LEKR1: variants seen among roughly 807,000 people sequenced by gnomAD.
LEKR1 encodes leucine, glutamate and lysine rich 1.
A neutral mutation model predicts 72.4 loss-of-function variants in LEKR1; 59 were observed. The ratio of observed to expected loss-of-function variants is 0.82; its 90% CI spans 0.66 to 1.01. The LOEUF is 1.01. Ranked by LOEUF, LEKR1 falls within the 50% of genes least tolerant of loss-of-function variation. The pLI, the probability that LEKR1 is intolerant of heterozygous loss-of-function variation, is 0.00. For synonymous variants in LEKR1, 257 were observed against 263.2 expected, an observed-to-expected ratio of 0.98 and a Z score of 0.23; for missense variants, 728 against 759.2, an observed-to-expected ratio of 0.96 and a Z score of 0.48.
intron 3 of LEKR1, among the ~76,000 whole-genome samples, chr3:156,885,752 A>G (rs1432570425): frequency 6.6e-6 from 1 of 152,244 alleles, no homozygotes; most frequent in African/African-American, 2.4e-5. Flanking sequence ...TGGTTATGCT[A>G]GCAGTGAAGC....
chr3:157,039,308 G>C (rs966997773), intron 12 of LEKR1, among the ~76,000 whole-genome samples: 1 of 152,152 alleles, frequency 6.6e-6, no homozygotes, highest in African/African-American at 2.4e-5. Context: ...AAAAAAGAAA[G>C]AAAGAAATTC....
At chr3:157,008,322 C>G (rs1732625432) in intron 9 of LEKR1, among the ~76,000 whole-genome samples, 1 of 152,216 alleles carries the variant, frequency 6.6e-6, no homozygotes, top group African/African-American at 2.4e-5. Context: ...ATTGCTTCAC[C>G]TCGGTTTTTA....
chr3:157,024,970 C>T (rs776116048), intron 11 of LEKR1, 46 bp downstream of exon 11: 1 of 1,334,748 alleles, frequency 7.5e-7, no homozygotes, highest in South Asian at 1.3e-5. Context: ...TTTGAAACTG[C>T]AGATGTTGTA....
At chr3:157,025,294 C>T (rs1482391605) in intron 11 of LEKR1, among the ~76,000 whole-genome samples, 2 of 152,090 alleles carry the variant, frequency 1.3e-5, no homozygotes, top group South Asian at 4.1e-4. Flanking sequence ...AAAGCATATA[C>T]CCTTTAATTG....
intron 3 of LEKR1, among the ~76,000 whole-genome samples, chr3:156,867,330 G>A (rs1717424723): frequency 6.6e-6 from 1 of 151,972 alleles, no homozygotes; most frequent in Admixed American, 6.6e-5. Flanking sequence ...AACTCAATCT[G>A]GAACTGTCCT....
intron 1 of LEKR1, among the ~76,000 whole-genome samples, chr3:156,827,473 A>G (rs1479745753): frequency 6.6e-6 from 1 of 152,250 alleles, no homozygotes; most frequent in African/African-American, 2.4e-5. Flanking sequence ...AAAAGAATGT[A>G]TAGAACACTA....
intron 2 of LEKR1, among the ~76,000 whole-genome samples, chr3:156,838,055 C>G (rs1713384254): frequency 6.6e-6 from 1 of 152,110 alleles, no homozygotes; most frequent in Admixed American, 6.6e-5. Context: ...ACACAGACAC[C>G]AGTCACCCCG....
At chr3:157,043,419 C>A (rs1735512466) in intron 12 of LEKR1, among the ~76,000 whole-genome samples, 1 of 150,690 alleles carries the variant, frequency 6.6e-6, no homozygotes, top group South Asian at 2.1e-4. Context: ...ACTTAGAAAA[C>A]CTGGGCAAAA....
intron 12 of LEKR1, among the ~76,000 whole-genome samples, chr3:157,043,215 G>A (rs1735497988): frequency 6.6e-6 from 1 of 152,218 alleles, no homozygotes; most frequent in South Asian, 2.1e-4. Context: ...TGTACAGGCT[G>A]CAGAATCATG....
chr3:156,872,637 T>C (rs777509873), intron 3 of LEKR1, among the ~76,000 whole-genome samples: 5 of 152,058 alleles, frequency 3.3e-5, no homozygotes, highest in Non-Finnish European at 7.4e-5. Context: ...TTTGGAATGT[T>C]GTATTTCAAA....
intron 10 of LEKR1, among the ~76,000 whole-genome samples, chr3:157,015,588 C>A (rs1260141224): frequency 3.3e-5 from 5 of 152,070 alleles, no homozygotes; most frequent in African/African-American, 1.2e-4. Flanking sequence ...GAACTGCATC[C>A]TAGGACAGAG....
chr3:156,937,363 A>G (rs375812939), intron 5 of LEKR1, among the ~76,000 whole-genome samples: 3 of 152,358 alleles, frequency 2.0e-5, no homozygotes, highest in East Asian at 3.9e-4. Flanking sequence ...TAGGCAAAAG[A>G]TATCAGTAGA....
At chr3:156,952,396 A>G (rs1278129937) in intron 6 of LEKR1, among the ~76,000 whole-genome samples, 3 of 151,574 alleles carry the variant, frequency 2.0e-5, no homozygotes, top group African/African-American at 7.2e-5. Flanking sequence ...TCTTTAATGT[A>G]TAAATGATAG....
At chr3:157,027,390 A>T (rs1734265343) in intron 11 of LEKR1, among the ~76,000 whole-genome samples, 1 of 152,304 alleles carries the variant, frequency 6.6e-6, no homozygotes, top group East Asian at 1.9e-4. Flanking sequence ...ATGTTAAAGA[A>T]AAATTTATTG....
intron 2 of LEKR1, among the ~76,000 whole-genome samples, chr3:156,833,325 C>A (rs892277586): frequency 6.6e-6 from 1 of 152,116 alleles, no homozygotes; most frequent in African/African-American, 2.4e-5. Context: ...TCAAGAGCAC[C>A]TGTTAGAGTT....
chr3:156,890,839 GT>G (rs893844527), intron 3 of LEKR1, among the ~76,000 whole-genome samples: 1 of 145,432 alleles, frequency 6.9e-6, no homozygotes, highest in African/African-American at 2.5e-5. Flanking sequence ...GTGGCCAGTT[GT>G]TTTTTTTCTA....
intron 2 of LEKR1, among the ~76,000 whole-genome samples, chr3:156,831,523 C>T (rs1439366460): frequency 6.6e-6 from 1 of 152,142 alleles, no homozygotes; most frequent in African/African-American, 2.4e-5. Flanking sequence ...TAAAGACATA[C>T]CTGAGACTGG....
chr3:157,040,051 C>A (rs1309969452), intron 12 of LEKR1, among the ~76,000 whole-genome samples: 1 of 152,010 alleles, frequency 6.6e-6, no homozygotes, highest in Non-Finnish European at 1.5e-5. Context: ...GAACTGACCA[C>A]CTGAGAACCT....
At chr3:156,902,010 C>T (rs756484372) in intron 3 of LEKR1, among the ~76,000 whole-genome samples, 2 of 152,044 alleles carry the variant, frequency 1.3e-5, no homozygotes, top group Non-Finnish European at 2.9e-5. Flanking sequence ...TAGTTCTCTG[C>T]CTTATTTCCG....
Sources: gnomAD v4.1 joint callset for allele counts (sites outside exome capture counted in the v4.1 genomes callset) on GRCh38, gnomAD v4.1.1 for gene constraint, MANE v1.5 for transcripts, NCBI Gene and HGNC (gene_info 2026-07-23, HGNC 2026-07-21) for gene names.